The following THADA variants were observed in gnomAD, a reference collection of about 807,000 sequenced individuals.
THADA encodes THADA armadillo repeat containing.
In THADA, 213 loss-of-function variants were observed where a neutral mutation model predicts 219.8. The ratio of observed to expected loss-of-function variants is 0.97; its 90% confidence interval spans 0.87 to 1.09. The LOEUF (loss-of-function observed/expected upper bound fraction) is 1.09. Ranked by LOEUF, THADA falls within the 50% of genes least tolerant of loss-of-function variation. The probability of loss-of-function intolerance (pLI) is 0.00; values close to 1 mark genes in which losing one functional copy is unlikely to be tolerated. For missense variants in THADA, 2,956 were observed against 2,311.3 expected (o/e 1.28, Z -5.72); for synonymous variants, 1,018 against 828.9 (o/e 1.23, Z -3.92).
At chr2:43,520,743 CATAT>C (rs1028797392) in intron 22 of THADA, among the ~76,000 whole-genome samples, 1 of 144,250 alleles carries the variant, frequency 6.9e-6, no homozygotes, top group East Asian at 1.9e-4. Flanking sequence ...CACACACACA[CATAT>C]ATATCAACAA....
At chr2:43,328,857 T>C (rs1236826703) in intron 30 of THADA, among the ~76,000 whole-genome samples, 7 of 152,238 alleles carry the variant, frequency 4.6e-5, no homozygotes, top group African/African-American at 7.2e-5. Context: ...ACAGCTTCAA[T>C]GCCATGCCTT....
intron 26 of THADA, among the ~76,000 whole-genome samples, chr2:43,477,041 T>G (rs561162383): frequency 6.6e-6 from 1 of 152,330 alleles, no homozygotes; most frequent in Admixed American, 6.5e-5. Context: ...TGTGGGATAA[T>G]TTACAGTGTA....
chr2:43,247,637 G>A (rs778275230), intron 36 of THADA, among the ~76,000 whole-genome samples: 8 of 146,666 alleles, frequency 5.5e-5, no homozygotes, highest in Non-Finnish European at 1.2e-4. Flanking sequence ...GCTGAGGCAC[G>A]AGAATCGCTT....
Position 43,278,183 on chromosome 2 carries a change from G to A in THADA, c.5296+1582C>T, listed in dbSNP as rs571141913. ...CCAGGCTAGTCTTGAACTTCTGACCGCAAGTGATCCACCCATCTCAGCCTC... is the reference window on the plus strand; with the variant it reads ...CCAGGCTAGTCTTGAACTTCTGACCACAAGTGATCCACCCATCTCAGCCTC... On this transcript the variant is annotated intron_variant, in intron 36 of 37. Coordinates refer to ENST00000405975, the MANE Select transcript of THADA (RefSeq NM_022065.5). 4.6e-5 allele frequency among the ~76,000 whole-genome samples: 7 copies of A among 152,064 alleles called. No individual in the cohort carries two copies. The South Asian group carries it at 6.2e-4, about 14-fold the overall frequency.
rs745404903 is a variant in THADA, at chr2:43,574,967, T to A, written c.1098A>T (p.Ser366=). ...AACTTGATTCAAGGACTTGTATGGC[T>A]GAATTAGTCCAGGATGCTAAGATTC... is the stretch of plus-strand genomic sequence containing the variant. ...LSRILASWTN[S]AIQVLESSSP... is the part of the protein sequence containing the mutation. The change falls in exon 11 of 38, where the codon TCA becomes TCT. Residue 366 remains serine, a synonymous_variant. Transcript: ENST00000405975. The A allele has an allele frequency of 5.0e-6, 8 of 1,614,006 alleles. No homozygotes were observed. The highest frequency in any genetic ancestry group is 5.1e-6 in the Non-Finnish European group (6 of 1,179,894).
intron 30 of THADA, among the ~76,000 whole-genome samples, chr2:43,340,819 C>CAGGG (rs1279787824): frequency 1.3e-5 from 2 of 152,086 alleles, no homozygotes; most frequent in African/African-American, 4.8e-5. Context: ...AAAGTAAAGA[C>CAGGG]AGGGGTCTGT....
chr2:43,293,626 C>T (rs997126698), intron 31 of THADA, among the ~76,000 whole-genome samples: 2 of 152,144 alleles, frequency 1.3e-5, no homozygotes, highest in Non-Finnish European at 2.9e-5. Flanking sequence ...CCTACAGTAC[C>T]CTGGAGCTCA....
At chr2:43,287,113 G>A in intron 34 of THADA, 52 bp from the exon 35 acceptor site, 1 of 1,547,036 alleles carries the variant, frequency 6.5e-7, no homozygotes, top group South Asian at 1.2e-5. Flanking sequence ...AACAAGGGCT[G>A]ACACAGAATT....
chr2:43,566,739 G>C lies in THADA; in HGVS notation c.2270C>G (p.Thr757Ser). The C allele has an allele frequency of 6.9e-6, 11 of 1,593,202 alleles. No individual in the cohort carries two copies. Among genetic ancestry groups the C allele is most frequent in the Admixed American group, 1.8e-5 (1 of 55,596 alleles). The change falls in exon 15 of 38, where the codon ACC becomes AGC. Residue 757 changes from threonine (T) to serine (S), a missense_variant. Physicochemically the swap from Thr to Ser is moderately conservative, Grantham distance 58 (BLOSUM62 1). Coordinates refer to ENST00000405975, the MANE Select transcript of THADA (RefSeq NM_022065.5). ...SSYSTRFSAL[T>S]ILGSIAEVFH... Reference sequence around the variant, plus strand: ...AACTTCAGCTATTGAACCTAAAATGGTTAAAGCTGAAAATCTAGTCGAGTA... The same window carrying C: ...AACTTCAGCTATTGAACCTAAAATGCTTAAAGCTGAAAATCTAGTCGAGTA...
intron 26 of THADA, among the ~76,000 whole-genome samples, chr2:43,443,218 G>A (rs1197835723): frequency 6.6e-6 from 1 of 152,190 alleles, no homozygotes; most frequent in African/African-American, 2.4e-5. Context: ...CTAAACAGTT[G>A]CCGAGTGAGT....
chr2:43,552,399 G>A (rs1027031911), intron 17 of THADA, 60 bp from the exon 18 acceptor site: 69 of 1,518,056 alleles, frequency 4.5e-5, no homozygotes, highest in South Asian at 3.4e-4. Flanking sequence ...GTAAATGTAC[G>A]AACAGCAAAA....
intron 26 of THADA, among the ~76,000 whole-genome samples, chr2:43,460,017 A>G (rs1458695266): frequency 6.6e-6 from 1 of 152,080 alleles, no homozygotes; most frequent in Non-Finnish European, 1.5e-5. Flanking sequence ...TTCCTTATAT[A>G]GTTCAGACAC....
At chr2:43,344,385 T>C in intron 29 of THADA, 148 bp from the exon 30 acceptor site, 3 of 599,342 alleles carry the variant, frequency 5.0e-6, no homozygotes, top group Non-Finnish European at 8.7e-6. Context: ...CAGAAAGGCA[T>C]GTTGGTTTTG....
chr2:43,479,626 A>T (rs1473670582), intron 26 of THADA, among the ~76,000 whole-genome samples: 1 of 151,768 alleles, frequency 6.6e-6, no homozygotes, highest in African/African-American at 2.4e-5. Context: ...AAAAAAAAAA[A>T]GTTAACTTCT....
At chr2:43,558,780 C>A (rs1457904929) in intron 16 of THADA, among the ~76,000 whole-genome samples, 2 of 152,150 alleles carry the variant, frequency 1.3e-5, no homozygotes, top group East Asian at 3.9e-4. Flanking sequence ...TTAGTTCTGT[C>A]CCTCTAGAAA....
chr2:43,301,174 T>C (rs1676219754), intron 31 of THADA, among the ~76,000 whole-genome samples: 2 of 152,062 alleles, frequency 1.3e-5, no homozygotes, highest in African/African-American at 4.8e-5. Flanking sequence ...TTCACGCGGG[T>C]TGGCAGGGTT....
At chr2:43,483,943 T>G (rs1472639811) in intron 26 of THADA, among the ~76,000 whole-genome samples, 1 of 152,038 alleles carries the variant, frequency 6.6e-6, no homozygotes, top group Non-Finnish European at 1.5e-5. Context: ...ACTGGAGAAT[T>G]ATTAACAAAA....
At chr2:43,568,890 T>C (rs1698978798) in intron 14 of THADA, among the ~76,000 whole-genome samples, 1 of 152,076 alleles carries the variant, frequency 6.6e-6, no homozygotes, top group Non-Finnish European at 1.5e-5. Flanking sequence ...AAAGAATTAA[T>C]TAATTAAAAA....
intron 22 of THADA, 26 bp from the exon 23 acceptor site, chr2:43,508,806 T>A (rs760911539): frequency 6.2e-7 from 1 of 1,609,558 alleles, no homozygotes; most frequent in Non-Finnish European, 8.5e-7. Flanking sequence ...AATCAAATAT[T>A]CGGAATTAGG....
Sources: gnomAD v4.1 joint callset for allele counts (sites outside exome capture counted in the v4.1 genomes callset) on GRCh38, gnomAD v4.1.1 for gene constraint, MANE v1.5 for transcripts, NCBI Gene and HGNC (gene_info 2026-07-23, HGNC 2026-07-21) for gene names.